The following DPYSL2 variants were observed in gnomAD, a reference collection of about 807,000 sequenced individuals.
DPYSL2 encodes the protein dihydropyrimidinase like 2, also known as dihydropyrimidinase-related protein 2.
Under a neutral mutation model 69.9 loss-of-function variants are expected in DPYSL2, and 13 were observed. The ratio of observed to expected loss-of-function variants is 0.19; its 90% CI spans 0.12 to 0.30. DPYSL2 has a LOEUF of 0.30. DPYSL2 is among the 10% of genes least tolerant of loss of function. DPYSL2 has a pLI of 1.00. For synonymous variants in DPYSL2, 326 were observed against 359.1 expected (o/e 0.91, Z 1.04); for missense variants, 587 against 918.9 (o/e 0.64, Z 4.67).
rs1803319714 is a variant in DPYSL2 at position 26,653,427 on chromosome 8, T to C, written c.1942+30T>C. On this transcript the variant is annotated intron_variant, in intron 13 of 13. Transcript: ENST00000521913. This position sits in a 1 kb window ranked among gnomAD's most constrained non-coding sequence, Gnocchi z 5.7. ...GGTTGGGGCTTGGGGAGGGCACAGT[T>C]CTGCAGGGCCAGCTCGCTGGTGCTG... The C allele has an allele frequency of 1.3e-6, 2 of 1,592,184 alleles. No homozygotes were observed. The highest frequency in any genetic ancestry group is 4.5e-5 in the East Asian group (2 of 44,364).
At chr8:26,545,766 C>CA (rs71216758) in intron 1 of DPYSL2, among the ~76,000 whole-genome samples, 25,085 of 143,800 alleles carry the variant, frequency 0.17, 2,240 homozygotes, top group South Asian at 0.29. Flanking sequence ...GACTCCATCT[C>CA]AAAAAAAAAA....
chr8:26,647,941 T>C lies in DPYSL2; in HGVS notation c.1596+141T>C. 9.8e-7 allele frequency: 1 copy of C among 1,023,294 alleles called. No individual in the cohort carries two copies. Among genetic ancestry groups the C allele is most frequent in the Non-Finnish European group, 1.4e-6 (1 of 719,978 alleles). 63.4% of individuals were successfully genotyped at this position (1,023,294 alleles called of 1,614,324 possible). On this transcript the variant is annotated intron_variant, in intron 11 of 13. Transcript: ENST00000521913. The surrounding 1 kb of genome is among the most constrained non-coding windows in gnomAD (Gnocchi z 5.1). ...ACTGAGGATGTTATGATTTGCAATT[T>C]GCTGGGAAAAGAATAGTTATTTCAT...
intron 1 of DPYSL2, among the ~76,000 whole-genome samples, chr8:26,536,704 T>C (rs1459288682): frequency 2.0e-5 from 3 of 151,912 alleles, no homozygotes; most frequent in Non-Finnish European, 4.4e-5. Flanking sequence ...AAACAGTAAA[T>C]TATTAGGTGG....
At chr8:26,537,111 G>A (rs1404420353) in intron 1 of DPYSL2, among the ~76,000 whole-genome samples, 1 of 152,000 alleles carries the variant, frequency 6.6e-6, no homozygotes, top group Non-Finnish European at 1.5e-5. Context: ...ATTAGTTTAT[G>A]GCTAAATTAA....
intron 1 of DPYSL2, among the ~76,000 whole-genome samples, chr8:26,547,049 C>G (rs73563534): frequency 0.017 from 2,519 of 150,344 alleles, 63 homozygotes; most frequent in African/African-American, 0.056. Flanking sequence ...ATTGGTGAGA[C>G]AAGCCCATAC....
chr8:26,579,963 C>T (rs556545839), intron 1 of DPYSL2, among the ~76,000 whole-genome samples: 3 of 150,324 alleles, frequency 2.0e-5, no homozygotes, highest in African/African-American at 7.4e-5. Context: ...CGCCCCCCCC[C>T]CCACACCCTT....
chr8:26,625,696 C>T (rs531527969), intron 4 of DPYSL2, among the ~76,000 whole-genome samples: 14 of 152,176 alleles, frequency 9.2e-5, no homozygotes, highest in Non-Finnish European at 2.1e-4. Context: ...GCATGGAAGG[C>T]AGTCTGTCTG....
In DPYSL2 at chr8:26,620,191, C is replaced by T. The variant is rs1425413212; in HGVS notation, c.629-3952C>T. ...CTTTAGATGGCTTGCTTGAGCCTTG[C>T]AATGGGAATGAGTGCCTTGGCCTAA... On this transcript the variant is annotated intron_variant, in intron 3 of 13. Coordinates refer to ENST00000521913, the MANE Select transcript of DPYSL2 (RefSeq NM_001197293.3). The surrounding 1 kb of genome is among the most constrained non-coding windows in gnomAD (Gnocchi z 4.5). Among the ~76,000 whole-genome samples, 3 of 152,060 alleles carry T rather than the reference C, an allele frequency of 2.0e-5. No individual in the cohort carries two copies. The highest frequency in any genetic ancestry group is 4.4e-5 in the Non-Finnish European group (3 of 68,030).
intron 3 of DPYSL2, among the ~76,000 whole-genome samples, chr8:26,605,000 C>G (rs1392407909): frequency 2.6e-5 from 4 of 152,152 alleles, no homozygotes; most frequent in Non-Finnish European, 5.9e-5. Flanking sequence ...GCGTGGTCAT[C>G]ATTTGGTCTG....
Position 26,654,199 on chromosome 8 carries a change from T to C in DPYSL2, c.1942+802T>C, listed in dbSNP as rs1227845109. ...TGAGGGTTAAATGGGTTAATATATA[T>C]GTACAGTGCTTAGAATGGGGCCATT... On this transcript the variant is annotated intron_variant, in intron 13 of 13. Coordinates refer to ENST00000521913, the MANE Select transcript of DPYSL2 (RefSeq NM_001197293.3). The surrounding 1 kb of genome is among the most constrained non-coding windows in gnomAD (Gnocchi z 5.0). Among the ~76,000 whole-genome samples, 1 of 152,188 alleles carries C rather than the reference T, an allele frequency of 6.6e-6. No homozygotes were observed. The highest frequency in any genetic ancestry group is 1.5e-5 in the Non-Finnish European group (1 of 68,034).
Position 26,560,138 on chromosome 8 carries a change from T to C in DPYSL2, c.355-21831T>C, listed in dbSNP as rs552269328. 7.2e-5 allele frequency among the ~76,000 whole-genome samples: 11 copies of C among 152,274 alleles called. No individual in the cohort carries two copies. Among genetic ancestry groups the C allele is most frequent in the Non-Finnish European group, 1.5e-4 (10 of 68,020 alleles). The stretch of plus-strand genomic sequence containing the variant: ...AGTTGGTTTAGCAGAAGACAGGGTG[T>C]AATAATTAATCAGGAGCAGACGCGA... On this transcript the variant is annotated intron_variant, in intron 1 of 13. Coordinates refer to ENST00000521913, the MANE Select transcript of DPYSL2 (RefSeq NM_001197293.3). This position sits in a 1 kb window ranked among gnomAD's most constrained non-coding sequence, Gnocchi z 4.4.
At chr8:26,577,839 G>A (rs1344166357) in intron 1 of DPYSL2, 20 of 1,043,554 alleles carry the variant, frequency 1.9e-5, no homozygotes, top group South Asian at 6.2e-5. Flanking sequence ...CCAGGATCGC[G>A]GCCAATCGCT....
chr8:26,559,123 A>G (rs1023736983), intron 1 of DPYSL2, among the ~76,000 whole-genome samples: 4 of 152,002 alleles, frequency 2.6e-5, no homozygotes, highest in African/African-American at 9.7e-5. Context: ...TTTGTATTTT[A>G]GTAGAGTTGG....
At chr8:26,566,822 G>C (rs1312745691) in intron 1 of DPYSL2, among the ~76,000 whole-genome samples, 5 of 151,942 alleles carry the variant, frequency 3.3e-5, no homozygotes, top group Non-Finnish European at 4.4e-5. Context: ...TTGTGTAATG[G>C]GTTTATTCAT....
At chr8:26,537,245 G>C (rs1351628083) in intron 1 of DPYSL2, among the ~76,000 whole-genome samples, 2 of 152,202 alleles carry the variant, frequency 1.3e-5, no homozygotes, top group African/African-American at 4.8e-5. Context: ...AATGTTCTGG[G>C]AGAAGCTGAG....
chr8:26,585,553 G>T lies in DPYSL2; in HGVS notation c.628+1570G>T, dbSNP rs1268070814. Among the ~76,000 whole-genome samples, 1 of 152,144 alleles carries T rather than the reference G, an allele frequency of 6.6e-6. No individual in the cohort carries two copies. Among genetic ancestry groups the T allele is most frequent in the Non-Finnish European group, 1.5e-5 (1 of 68,032 alleles). ...AACCTAGTGGGTGCCATTTTCCAGGGATGTCGGGGGGAGATTTCATGCACA... is the reference window on the plus strand; with the variant it reads ...AACCTAGTGGGTGCCATTTTCCAGGTATGTCGGGGGGAGATTTCATGCACA... On this transcript the variant is annotated intron_variant, in intron 3 of 13. Coordinates refer to ENST00000521913, the MANE Select transcript of DPYSL2 (RefSeq NM_001197293.3). This position sits in a 1 kb window ranked among gnomAD's most constrained non-coding sequence, Gnocchi z 4.0.
chr8:26,550,663 T>G (rs181504902), intron 1 of DPYSL2, among the ~76,000 whole-genome samples: 1 of 152,300 alleles, frequency 6.6e-6, no homozygotes, highest in Admixed American at 6.5e-5. Flanking sequence ...GACTGATAGA[T>G]GACAAGTGGC....
chr8:26,584,524 G>T (rs147406300), intron 3 of DPYSL2, among the ~76,000 whole-genome samples: 55 of 152,170 alleles, frequency 3.6e-4, no homozygotes, highest in African/African-American at 1.3e-3. Context: ...CTGTCTGGAG[G>T]GGGACCCACA....
intron 1 of DPYSL2, among the ~76,000 whole-genome samples, chr8:26,537,690 C>T (rs1800617112): frequency 6.6e-6 from 1 of 151,730 alleles, no homozygotes; most frequent in Admixed American, 6.6e-5. Context: ...CCCATTTCCC[C>T]TTAATACTTC....
Sources: allele counts gnomAD v4.1 joint callset (sites outside exome capture counted in the v4.1 genomes callset), GRCh38; gene constraint gnomAD v4.1.1; non-coding constraint Gnocchi (gnomAD v3.1); transcripts MANE v1.5; gene names NCBI Gene and HGNC (gene_info 2026-07-23, HGNC 2026-07-21).